Variants in MYH14 observed in about 807,000 individuals in gnomAD.
MYH14 encodes the protein myosin-14.
Under a neutral mutation model 255.5 loss-of-function variants are expected in MYH14, and 123 were observed. The observed-to-expected ratio is 0.48, with a 90% CI of 0.42 to 0.56. MYH14 has a LOEUF of 0.56. Ranked by LOEUF, MYH14 falls within the 20% of genes least tolerant of loss-of-function variation. The probability of loss-of-function intolerance (pLI) is 0.00; values close to 1 mark genes in which losing one functional copy is unlikely to be tolerated. For missense variants in MYH14, 2,423 were observed against 2,802.3 expected (o/e 0.86, Z 3.06); for synonymous variants, 1,095 against 1,161.2 (o/e 0.94, Z 1.16).
rs776824338 is a variant in MYH14, at chr19:50,249,643, C to G, written c.1483-7C>G. On this transcript the variant is annotated splice_polypyrimidine_tract_variant and splice_region_variant and intron_variant, in intron 13 of 42. Transcript: ENST00000642316. ...CCTCCCAGCTCACGTGTCCTGCGTC[C>G]CTGCAGCTGAACTCCTTCGAGCAGC... is the stretch of plus-strand genomic sequence containing the variant. 2 of 1,614,064 alleles carry G rather than the reference C, an allele frequency of 1.2e-6. No individual in the cohort carries two copies. Among genetic ancestry groups the G allele is most frequent in the Non-Finnish European group, 1.7e-6 (2 of 1,179,990 alleles).
chr19:50,282,058 C>T (rs887982816), intron 33 of MYH14, among the ~76,000 whole-genome samples: 6 of 152,194 alleles, frequency 3.9e-5, no homozygotes, highest in Non-Finnish European at 7.3e-5. Context: ...CCTCGTAGCA[C>T]CCACTTTTAC....
intron 41 of MYH14, chr19:50,308,723 G>A (rs1031713034): frequency 7.6e-6 from 3 of 393,978 alleles, no homozygotes; most frequent in Admixed American, 4.1e-5. Flanking sequence ...GGGTACTGGG[G>A]AGCCATGAAA....
At chr19:50,232,600 A>G (rs1166149097) in intron 10 of MYH14, among the ~76,000 whole-genome samples, 1 of 150,628 alleles carries the variant, frequency 6.6e-6, no homozygotes, top group Non-Finnish European at 1.5e-5. Flanking sequence ...TCTCAAAAAA[A>G]AAAAAAAAAA....
Position 50,271,324 on chromosome 19 carries a change from G to A in MYH14, c.3034-85G>A, listed in dbSNP as rs936021. On this transcript the variant is annotated intron_variant, in intron 24 of 42. Coordinates refer to ENST00000642316, the MANE Select transcript of MYH14 (RefSeq NM_001145809.2). ...GAACCACAAGCCGCGGGGATCCGTG[G>A]GCCAGCCATCCCCGCTCCCATCCTT... 0.13 allele frequency: 190,057 copies of A among 1,436,458 alleles called. 13,924 individuals carry two copies. Among genetic ancestry groups the A allele is most frequent in the East Asian group, 0.25 (10,212 of 40,304 alleles). The allele number at this position is 1,436,458 out of a possible 1,614,324, so 89.0% of individuals were successfully genotyped here.
intron 9 of MYH14, among the ~76,000 whole-genome samples, chr19:50,231,310 G>A (rs1418353890): frequency 1.3e-5 from 2 of 152,264 alleles, no homozygotes; most frequent in Non-Finnish European, 2.9e-5. Context: ...CCATCCCATG[G>A]CCTGTGCTGA....
At chr19:50,289,876 C>G (rs2036014351) in intron 35 of MYH14, among the ~76,000 whole-genome samples, 1 of 152,102 alleles carries the variant, frequency 6.6e-6, no homozygotes, top group Non-Finnish European at 1.5e-5. Flanking sequence ...TTCTGCCAGT[C>G]TCTCGTGCCA....
intron 40 of MYH14, among the ~76,000 whole-genome samples, chr19:50,306,286 A>G (rs2036651617): frequency 6.6e-6 from 1 of 152,184 alleles, no homozygotes; most frequent in African/African-American, 2.4e-5. Flanking sequence ...GTCTCAAAAA[A>G]AAAGAAGTCT....
At chr19:50,226,812 G>A in intron 7 of MYH14, 91 bp from the exon 8 acceptor site, 1 of 1,225,390 alleles carries the variant, frequency 8.2e-7, no homozygotes, top group South Asian at 1.3e-5. Flanking sequence ...CGCAGCTCTG[G>A]GAGCAGTGGG....
intron 22 of MYH14, among the ~76,000 whole-genome samples, chr19:50,264,302 C>T (rs1207779880): frequency 6.6e-6 from 1 of 152,128 alleles, no homozygotes; most frequent in African/African-American, 2.4e-5. Flanking sequence ...CAAGGTCACA[C>T]ACATGGTGAC....
intron 39 of MYH14, among the ~76,000 whole-genome samples, chr19:50,300,569 A>T (rs1311566989): frequency 2.6e-4 from 39 of 151,962 alleles, no homozygotes; most frequent in African/African-American, 9.2e-4. Flanking sequence ...ACCAACATGG[A>T]GAAACCCCAT....
intron 42 of MYH14, chr19:50,309,407 A>G (rs1168365372): frequency 6.5e-6 from 4 of 611,960 alleles, no homozygotes; most frequent in Non-Finnish European, 1.2e-5. Flanking sequence ...ACCGTGCACC[A>G]CCACCTTTCT....
intron 10 of MYH14, among the ~76,000 whole-genome samples, chr19:50,238,559 C>A (rs1470049711): frequency 6.6e-6 from 1 of 152,136 alleles, no homozygotes; most frequent in Non-Finnish European, 1.5e-5. Context: ...TCAAGCAATT[C>A]TCCCATTTCA....
chr19:50,209,812 C>G (rs2032058403), intron 1 of MYH14, among the ~76,000 whole-genome samples: 1 of 139,418 alleles, frequency 7.2e-6, no homozygotes, highest in African/African-American at 2.7e-5. Context: ...AAATAATTAG[C>G]CGGGGCCGGG....
At chr19:50,206,509 G>A (rs1239888095) in intron 1 of MYH14, among the ~76,000 whole-genome samples, 1 of 152,120 alleles carries the variant, frequency 6.6e-6, no homozygotes, top group African/African-American at 2.4e-5. Flanking sequence ...GAGCCTTGAC[G>A]ATTTGGGGGC....
At chr19:50,301,566 C>T (rs1241756329) in intron 39 of MYH14, 95 bp from the exon 40 acceptor site, 3 of 833,728 alleles carry the variant, frequency 3.6e-6, no homozygotes, top group Non-Finnish European at 2.0e-6. Context: ...GTGTGACAAT[C>T]ATCAGTGCAC....
chr19:50,225,474 G>C, intron 6 of MYH14, 111 bp from the exon 7 acceptor site: 1 of 754,746 alleles, frequency 1.3e-6, no homozygotes. Context: ...GACACACAAA[G>C]GCCCCTCACA....
chr19:50,280,282 C>T lies in MYH14; in HGVS notation c.4189C>T (p.Arg1397Ter). 13 of 1,551,462 alleles carry T rather than the reference C, an allele frequency of 8.4e-6. No individual in the cohort carries two copies. The highest frequency in any genetic ancestry group is 1.1e-5 in the Non-Finnish European group (13 of 1,146,926). ...RAKLALGSRVRAMEAEAAGLR... is the reference protein window; with the variant it reads ...RAKLALGSRV The stretch of plus-strand genomic sequence containing the variant: ...GAAATTGGCCTTGGGGTCCCGGGTG[C>T]GAGCCATGGAGGCTGAGGCAGCCGG... The change falls in exon 32 of 43, where the codon CGA becomes TGA. Residue 1397 changes from arginine (R) to a stop codon, truncating the protein, a stop_gained. Transcript: ENST00000642316. LOFTEE classifies it high-confidence loss of function. The surrounding 1 kb of genome is among the most constrained non-coding windows in gnomAD (Gnocchi z 4.8).
intron 33 of MYH14, among the ~76,000 whole-genome samples, chr19:50,283,783 C>A (rs1224591703): frequency 6.6e-6 from 1 of 152,118 alleles, no homozygotes; most frequent in Non-Finnish European, 1.5e-5. Context: ...TTTGAAAATT[C>A]TTTATGGGCC....
intron 34 of MYH14, among the ~76,000 whole-genome samples, chr19:50,288,938 C>T (rs190082960): frequency 1.3e-5 from 2 of 152,138 alleles, no homozygotes; most frequent in East Asian, 3.9e-4. Context: ...ATTCATACCT[C>T]CCTGAAAGAT....
Sources: gnomAD v4.1 joint callset for allele counts (sites outside exome capture counted in the v4.1 genomes callset) on GRCh38, gnomAD v4.1.1 for gene constraint, Gnocchi (gnomAD v3.1) non-coding constraint, MANE v1.5 for transcripts, NCBI Gene and HGNC (gene_info 2026-07-23, HGNC 2026-07-21) for gene names.